Variants in DSTYK observed in about 807,000 individuals in gnomAD.
DSTYK encodes dual serine/threonine and tyrosine protein kinase, also known as RIP-homologous kinase.
A neutral mutation model predicts 98.7 loss-of-function variants in DSTYK; 34 were observed. That is an observed-to-expected ratio of 0.34 (90% confidence interval 0.26 to 0.46). The LOEUF is 0.46. Among genes scored for constraint, DSTYK ranks in the 20% least tolerant of loss-of-function variants. The pLI is 1.00. For missense variants in DSTYK, 962 were observed against 1,181.7 expected (o/e 0.81, Z 2.73); for synonymous variants, 462 against 457.3 (o/e 1.01, Z -0.13).
chr1:205,155,748 T>C (rs1029941780), intron 10 of DSTYK, among the ~76,000 whole-genome samples: 1 of 151,982 alleles, frequency 6.6e-6, no homozygotes, highest in Non-Finnish European at 1.5e-5. Flanking sequence ...TTTTCGTAAG[T>C]AATGAGGAGC....
intron 2 of DSTYK, among the ~76,000 whole-genome samples, chr1:205,186,792 GCT>G (rs1464373721): frequency 2.6e-5 from 4 of 152,204 alleles, no homozygotes; most frequent in African/African-American, 7.2e-5. Flanking sequence ...ACAGATCTGT[GCT>G]CTCTTTGGGA....
Position 205,169,511 on chromosome 1 carries a change from C to T in DSTYK, c.976G>A (p.Asp326Asn), listed in dbSNP as rs773001432. The change falls in exon 3 of 13, where the codon GAT (aspartate) becomes AAT (asparagine). Residue 326 changes from aspartate (D) to asparagine (N), a missense_variant. Transcript: ENST00000367162. This position sits in a 1 kb window ranked among gnomAD's most constrained non-coding sequence, Gnocchi z 4.0. ...SHWNCGAPGQ[D>N]TKAQSMLVEQ... The stretch of plus-strand genomic sequence containing the variant: ...ACCAACATGCTCTGAGCTTTAGTAT[C>T]CTGGCCAGGAGCCCCACAGTTCCAG... 1.2e-6 allele frequency: 2 copies of T among 1,614,102 alleles called. No homozygotes were observed. The highest frequency in any genetic ancestry group is 1.7e-6 in the Non-Finnish European group (2 of 1,180,026).
At chr1:205,184,878 TCAGA>T (rs1658520383) in intron 2 of DSTYK, among the ~76,000 whole-genome samples, 3 of 152,128 alleles carry the variant, frequency 2.0e-5, no homozygotes, top group Admixed American at 2.0e-4. Context: ...ATCACTGTGC[TCAGA>T]CAAGCATTAG....
chr1:205,162,710 T>C (rs531200949), intron 5 of DSTYK, among the ~76,000 whole-genome samples: 8 of 152,324 alleles, frequency 5.3e-5, no homozygotes, highest in African/African-American at 1.9e-4. Context: ...ATAAAAATCA[T>C]TTAAACCCAA....
At chr1:205,202,756 A>G (rs1321503382) in intron 1 of DSTYK, 4 of 689,798 alleles carry the variant, frequency 5.8e-6, no homozygotes, top group Non-Finnish European at 1.0e-5. Flanking sequence ...TCAGCTTTAA[A>G]GTAAATACAA....
chr1:205,161,283 A>G lies in DSTYK; in HGVS notation c.1923T>C (p.Cys641=). The part of the protein sequence containing the change: ...PRLARLSLES[C]SLQDVLLHRK... ...GATGAAGCAAGACATCCTGTAAAGAACAGCTTTCCAGAGAAAGGCGGGCCA... is the reference window on the plus strand; with the variant it reads ...GATGAAGCAAGACATCCTGTAAAGAGCAGCTTTCCAGAGAAAGGCGGGCCA... The change falls in exon 7 of 13, where the codon TGT becomes TGC. Residue 641 remains cysteine, a synonymous_variant. Coordinates refer to ENST00000367162, the MANE Select transcript of DSTYK (RefSeq NM_015375.3). 6.2e-7 allele frequency: 1 copy of G among 1,614,148 alleles called. No individual in the cohort carries two copies. The highest frequency in any genetic ancestry group is 2.2e-5 in the East Asian group (1 of 44,884).
rs551584823 is a variant in DSTYK, at chr1:205,192,214, G to C, written c.266-4408C>G. Among the ~76,000 whole-genome samples the C allele has an allele frequency of 2.6e-5, 4 of 152,152 alleles. No individual in the cohort carries two copies. The South Asian group carries it at 8.3e-4, about 32-fold the overall frequency. On this transcript the variant is annotated intron_variant, in intron 1 of 12. Transcript: ENST00000367162. Reference sequence around the variant, plus strand: ...TAATGCTCACAATTCTACAAGACAAGGACTATTATTAACTCCATTTAAAAA... The same window carrying C: ...TAATGCTCACAATTCTACAAGACAACGACTATTATTAACTCCATTTAAAAA...
At chr1:205,201,125 G>A (rs1269896132) in intron 1 of DSTYK, among the ~76,000 whole-genome samples, 2 of 151,904 alleles carry the variant, frequency 1.3e-5, no homozygotes, top group Admixed American at 6.6e-5. Context: ...GGCTGCTCTC[G>A]AACTCCTGAC....
At chr1:205,208,050 T>C (rs1457041433) in intron 1 of DSTYK, among the ~76,000 whole-genome samples, 1 of 151,902 alleles carries the variant, frequency 6.6e-6, no homozygotes, top group African/African-American at 2.4e-5. Context: ...GCTAATTTTT[T>C]TGGATTTTTA....
intron 12 of DSTYK, among the ~76,000 whole-genome samples, 157 bp downstream of exon 12, chr1:205,148,048 G>C (rs1398626876): frequency 6.6e-6 from 1 of 152,168 alleles, no homozygotes; most frequent in Non-Finnish European, 1.5e-5. Context: ...AGCAAAGGTT[G>C]ACTTAAATAT....
Position 205,150,939 on chromosome 1 carries a change from C to T in DSTYK, c.2353-145G>A, listed in dbSNP as rs898561724. The T allele has an allele frequency of 2.0e-5, 14 of 703,502 alleles. No individual in the cohort carries two copies. Among genetic ancestry groups the T allele is most frequent in the African/African-American group, 1.8e-4 (10 of 56,314 alleles). The allele number at this position is 703,502 out of a possible 1,614,324, so 43.6% of individuals were successfully genotyped here. ...AAATGAGTTGTCAGGTGATTTCATC[C>T]TTGTACAAACACCAGACTGTGCTTA... On this transcript the variant is annotated intron_variant, in intron 10 of 12. Transcript: ENST00000367162. The surrounding 1 kb of genome is among the most constrained non-coding windows in gnomAD (Gnocchi z 4.1).
chr1:205,207,746 A>C (rs1659246831), intron 1 of DSTYK, among the ~76,000 whole-genome samples: 1 of 88,696 alleles, frequency 1.1e-5, no homozygotes, highest in Non-Finnish European at 2.0e-5. Flanking sequence ...ATACAGAGAG[A>C]CTCTGTCTCA....
intron 10 of DSTYK, 76 bp downstream of exon 10, chr1:205,157,197 T>A: frequency 7.8e-7 from 1 of 1,277,862 alleles, no homozygotes; most frequent in South Asian, 1.2e-5. Flanking sequence ...GGATCTAACT[T>A]ACATTTACAT....
intron 2 of DSTYK, among the ~76,000 whole-genome samples, chr1:205,183,128 A>G (rs903058019): frequency 2.0e-5 from 3 of 151,788 alleles, no homozygotes; most frequent in South Asian, 2.1e-4. Context: ...GAGCAACTCT[A>G]AGGCAGACAA....
intron 2 of DSTYK, among the ~76,000 whole-genome samples, chr1:205,173,948 A>C (rs1658146855): frequency 6.6e-6 from 1 of 152,032 alleles, no homozygotes; most frequent in South Asian, 2.1e-4. Context: ...TTGAACTCCT[A>C]ACCTCAGGTG....
intron 10 of DSTYK, among the ~76,000 whole-genome samples, chr1:205,154,371 CAT>C (rs1315699799): frequency 1.3e-5 from 2 of 152,204 alleles, no homozygotes; most frequent in African/African-American, 2.4e-5. Flanking sequence ...ATAATCCCCA[CAT>C]GTCGTGGGAG....
At chr1:205,199,667 T>G (rs774837865) in intron 1 of DSTYK, among the ~76,000 whole-genome samples, 2 of 152,002 alleles carry the variant, frequency 1.3e-5, no homozygotes, top group Non-Finnish European at 1.5e-5. Context: ...TGAGGTAAAA[T>G]AGAAAAACTG....
chr1:205,209,540 ACAGGGTC>A (rs1659304703), intron 1 of DSTYK, among the ~76,000 whole-genome samples: 1 of 150,772 alleles, frequency 6.6e-6, no homozygotes. Flanking sequence ...TAAGATCATG[ACAGGGTC>A]CTAAATGATA....
chr1:205,156,799 T>C (rs1455416038), intron 10 of DSTYK, among the ~76,000 whole-genome samples: 1 of 152,196 alleles, frequency 6.6e-6, no homozygotes, highest in Admixed American at 6.5e-5. Context: ...CAGAATGATA[T>C]GGTTTGGCTG....
Sources: allele counts gnomAD v4.1 joint callset (sites outside exome capture counted in the v4.1 genomes callset), GRCh38; gene constraint gnomAD v4.1.1; non-coding constraint Gnocchi (gnomAD v3.1); transcripts MANE v1.5; gene names NCBI Gene and HGNC (gene_info 2026-07-23, HGNC 2026-07-21).